Variants in MBOAT2 observed in about 807,000 individuals in gnomAD.
MBOAT2 encodes the protein membrane bound glycerophospholipid O-acyltransferase 2.
In MBOAT2, 28 loss-of-function variants were observed where a neutral mutation model predicts 63.4. The observed-to-expected ratio is 0.44, with a 90% confidence interval of 0.33 to 0.61. The LOEUF (loss-of-function observed/expected upper bound fraction) is 0.61. Ranked by LOEUF, MBOAT2 falls within the 20% of genes least tolerant of loss-of-function variation. The pLI, the probability that MBOAT2 is intolerant of heterozygous loss-of-function variation, is 0.03. For missense variants in MBOAT2, 470 were observed against 605.8 expected (o/e 0.78, Z 2.35); for synonymous variants, 211 against 215.6 (o/e 0.98, Z 0.19).
rs1663415338 is a variant in MBOAT2, at chr2:8,884,666, T to C, written c.452-2101A>G. Among the ~76,000 whole-genome samples the C allele has an allele frequency of 2.0e-5, 3 of 152,320 alleles. No individual in the cohort carries two copies. In the South Asian group the frequency reaches 6.2e-4, roughly 32 times the overall value. Reference sequence around the variant, plus strand: ...TATATTTAGTCAGCATTTCCAAGTGTTTGGCATAGGGTGGGCCTCTACACC... The same window carrying C: ...TATATTTAGTCAGCATTTCCAAGTGCTTGGCATAGGGTGGGCCTCTACACC... On this transcript the variant is annotated intron_variant, in intron 5 of 12. Coordinates refer to ENST00000305997, the MANE Select transcript of MBOAT2 (RefSeq NM_138799.4).
intron 8 of MBOAT2, among the ~76,000 whole-genome samples, chr2:8,871,277 T>C (rs901964102): frequency 2.0e-5 from 3 of 152,272 alleles, no homozygotes; most frequent in Non-Finnish European, 2.9e-5. Flanking sequence ...GGATTACAGG[T>C]ATGAGCCACG....
At chr2:8,973,542 T>C (rs1670600724) in intron 1 of MBOAT2, among the ~76,000 whole-genome samples, 1 of 139,950 alleles carries the variant, frequency 7.1e-6, no homozygotes, top group African/African-American at 2.9e-5. Flanking sequence ...TAAATAAAAG[T>C]AACTCAAGCT....
In MBOAT2 at chr2:8,915,506, G is replaced by A. The variant is rs547619239; in HGVS notation, c.300-6790C>T. On this transcript the variant is annotated intron_variant, in intron 3 of 12. Coordinates refer to ENST00000305997, the MANE Select transcript of MBOAT2 (RefSeq NM_138799.4). ...ATTGGCTCTGGACAATCTAACTTGA[G>A]AAAGAATTCTAGGTGGTGGGGGTTT... 1.2e-4 allele frequency among the ~76,000 whole-genome samples: 19 copies of A among 152,206 alleles called. 1 individual carries two copies. Among genetic ancestry groups the A allele is most frequent in the African/African-American group, 4.3e-4 (18 of 41,540 alleles).
intron 8 of MBOAT2, among the ~76,000 whole-genome samples, chr2:8,872,654 T>C (rs1421524853): frequency 6.6e-6 from 1 of 152,232 alleles, no homozygotes; most frequent in Non-Finnish European, 1.5e-5. Flanking sequence ...GCATAACTGA[T>C]GACCCCCTAT....
chr2:8,863,883 C>T (rs1278296599), intron 10 of MBOAT2, among the ~76,000 whole-genome samples: 1 of 152,150 alleles, frequency 6.6e-6, no homozygotes, highest in Non-Finnish European at 1.5e-5. Context: ...TCAGGAGCTG[C>T]AAAGGAGGAT....
intron 3 of MBOAT2, among the ~76,000 whole-genome samples, chr2:8,920,230 G>T (rs1415622595): frequency 6.6e-6 from 1 of 152,164 alleles, no homozygotes; most frequent in Non-Finnish European, 1.5e-5. Context: ...TGTATGATGT[G>T]AGGTAAGGGT....
At chr2:8,964,743 A>G (rs1490336230) in intron 1 of MBOAT2, among the ~76,000 whole-genome samples, 1 of 152,238 alleles carries the variant, frequency 6.6e-6, no homozygotes, top group Admixed American at 6.5e-5. Flanking sequence ...TATTCTTGAC[A>G]ACACTTGGTA....
At chr2:8,955,528 T>C (rs930152759) in intron 2 of MBOAT2, among the ~76,000 whole-genome samples, 2 of 152,232 alleles carry the variant, frequency 1.3e-5, no homozygotes, top group African/African-American at 4.8e-5. Context: ...TTTTCCTTCT[T>C]GAATTAAAGC....
At chr2:8,890,910 C>T (rs1323798961) in intron 4 of MBOAT2, among the ~76,000 whole-genome samples, 1 of 152,230 alleles carries the variant, frequency 6.6e-6, no homozygotes, top group African/African-American at 2.4e-5. Context: ...TACTCTCTCC[C>T]ATCTGTTCTT....
chr2:8,862,427 G>A lies in MBOAT2; in HGVS notation c.1185+163C>T, dbSNP rs1443439031. The stretch of plus-strand genomic sequence containing the variant: ...GGGCATGGAGCCTAGCCCGTGGTGA[G>A]CGCTCAGCAAACATGCACGCAGTAC... On this transcript the variant is annotated intron_variant, in intron 11 of 12. Coordinates refer to ENST00000305997, the MANE Select transcript of MBOAT2 (RefSeq NM_138799.4). The surrounding 1 kb of genome is among the most constrained non-coding windows in gnomAD (Gnocchi z 4.3). 3 of 1,317,946 alleles carry A rather than the reference G, an allele frequency of 2.3e-6. No individual in the cohort carries two copies. Among genetic ancestry groups the A allele is most frequent in the African/African-American group, 2.9e-5 (2 of 67,998 alleles). 81.6% of individuals were successfully genotyped at this position (1,317,946 alleles called of 1,614,324 possible). A position where few individuals can be genotyped will look rare whatever the true frequency, so the allele number is the denominator to read the frequency against.
At chr2:8,962,002 C>T (rs1201976970) in intron 1 of MBOAT2, among the ~76,000 whole-genome samples, 12 of 152,262 alleles carry the variant, frequency 7.9e-5, no homozygotes, top group Middle Eastern at 3.4e-3. Flanking sequence ...TCCTGCAGTC[C>T]GCAGCTCTCC....
intron 4 of MBOAT2, among the ~76,000 whole-genome samples, chr2:8,896,007 G>A (rs1412335410): frequency 6.6e-6 from 1 of 152,122 alleles, no homozygotes; most frequent in South Asian, 2.1e-4. Context: ...GGAGGCCGAG[G>A]CGGGCGGATC....
intron 8 of MBOAT2, among the ~76,000 whole-genome samples, chr2:8,869,979 G>A (rs1662195405): frequency 1.3e-5 from 2 of 152,130 alleles, no homozygotes; most frequent in African/African-American, 2.4e-5. Flanking sequence ...GAAGAGAACT[G>A]GGGATATCAA....
intron 3 of MBOAT2, among the ~76,000 whole-genome samples, chr2:8,919,836 C>A (rs1408653882): frequency 6.6e-6 from 1 of 151,952 alleles, no homozygotes; most frequent in Non-Finnish European, 1.5e-5. Flanking sequence ...ACTCAATGTA[C>A]CTTGGACTCC....
chr2:9,002,651 C>A (rs551050765), intron 1 of MBOAT2, among the ~76,000 whole-genome samples: 3 of 150,226 alleles, frequency 2.0e-5, no homozygotes, highest in African/African-American at 7.3e-5. Flanking sequence ...TTCCCTAAAT[C>A]TCACTGTCAC....
chr2:8,927,785 C>T (rs998694753), intron 3 of MBOAT2, among the ~76,000 whole-genome samples: 2 of 152,206 alleles, frequency 1.3e-5, no homozygotes, highest in Non-Finnish European at 2.9e-5. Flanking sequence ...CTATCAGTGT[C>T]AGGCAGACAT....
chr2:8,916,815 T>C (rs1666217152), intron 3 of MBOAT2, among the ~76,000 whole-genome samples: 3 of 152,228 alleles, frequency 2.0e-5, no homozygotes. Flanking sequence ...GTTTATATTT[T>C]CCAAGACTGT....
intron 3 of MBOAT2, among the ~76,000 whole-genome samples, chr2:8,929,920 T>C (rs1449424839): frequency 1.3e-5 from 2 of 152,190 alleles, no homozygotes; most frequent in East Asian, 3.9e-4. Flanking sequence ...TTTGTGCATG[T>C]GTTTTCTTCC....
In MBOAT2 at chr2:8,867,720, A is replaced by G. The variant is rs201088198; in HGVS notation, c.987+726T>C. 3.4e-5 allele frequency among the ~76,000 whole-genome samples: 5 copies of G among 148,620 alleles called. No individual in the cohort carries two copies. The East Asian group carries it at 9.6e-4, about 29-fold the overall frequency. ...TCTTACACATCTCTCCAATATATTT[A>G]TATGTTTCTAGCCCCACTGGCAGTA... is the stretch of plus-strand genomic sequence containing the variant. On this transcript the variant is annotated intron_variant, in intron 9 of 12. Transcript: ENST00000305997.
Sources: allele counts gnomAD v4.1 joint callset (sites outside exome capture counted in the v4.1 genomes callset), GRCh38; gene constraint gnomAD v4.1.1; non-coding constraint Gnocchi (gnomAD v3.1); transcripts MANE v1.5; gene names NCBI Gene and HGNC (gene_info 2026-07-23, HGNC 2026-07-21).